CACNA1E: variants seen among roughly 807,000 people sequenced by gnomAD.
CACNA1E encodes the protein calcium voltage-gated channel subunit alpha1 E, also known as voltage-dependent R-type calcium channel subunit alpha-1E.
In CACNA1E, 40 loss-of-function variants were observed where a neutral mutation model predicts 259.2. That is an observed-to-expected ratio of 0.15 (90% CI 0.12 to 0.20). The LOEUF is 0.20. Among genes scored for constraint, CACNA1E ranks in the 10% least tolerant of loss-of-function variants. The pLI, the probability that CACNA1E is intolerant of heterozygous loss-of-function variation, is 1.00. For synonymous variants in CACNA1E, 1,104 were observed against 1,138.5 expected, an observed-to-expected ratio of 0.97 and a Z score of 0.61; for missense variants, 1,874 against 3,040.1, an observed-to-expected ratio of 0.62 and a Z score of 9.02.
At chr1:181,703,987 G>A (rs1466037078) in intron 7 of CACNA1E, among the ~76,000 whole-genome samples, 1 of 152,152 alleles carries the variant, frequency 6.6e-6, no homozygotes, top group African/African-American at 2.4e-5. Flanking sequence ...CTGCTCATAG[G>A]AGGAGCCTTC....
chr1:181,541,125 T>C (rs1264105015), intron 3 of CACNA1E, among the ~76,000 whole-genome samples: 4 of 152,188 alleles, frequency 2.6e-5, no homozygotes, highest in African/African-American at 9.7e-5. Context: ...CTTTTGTTAA[T>C]TTGTCTTTTG....
chr1:181,382,694 A>G (rs1034602551), intron 1 of CACNA1E, among the ~76,000 whole-genome samples: 1 of 152,222 alleles, frequency 6.6e-6, no homozygotes, highest in Admixed American at 6.5e-5. Context: ...GCAAATAGCA[A>G]TAACAATCTT....
chr1:181,490,378 T>TA (rs568341402), intron 1 of CACNA1E, among the ~76,000 whole-genome samples: 3,101 of 139,600 alleles, frequency 0.022, 101 homozygotes, highest in African/African-American at 0.07. Flanking sequence ...TCTTACTTAT[T>TA]AAAAAAAAAA....
intron 1 of CACNA1E, among the ~76,000 whole-genome samples, chr1:181,349,811 C>A (rs951356992): frequency 1.3e-5 from 2 of 151,888 alleles, no homozygotes; most frequent in Non-Finnish European, 2.9e-5. Context: ...GGACAAGCCT[C>A]CAAGAAATGT....
intron 1 of CACNA1E, among the ~76,000 whole-genome samples, chr1:181,376,399 C>T (rs950853225): frequency 1.3e-5 from 2 of 152,234 alleles, no homozygotes; most frequent in Non-Finnish European, 2.9e-5. Flanking sequence ...TCTACGATTG[C>T]ATTGGCCTAT....
intron 1 of CACNA1E, among the ~76,000 whole-genome samples, chr1:181,411,429 G>A (rs1424526082): frequency 1.3e-5 from 2 of 152,092 alleles, no homozygotes; most frequent in African/African-American, 4.8e-5. Context: ...GGAGGAGAGA[G>A]GAGTGACCAG....
At chr1:181,449,500 A>G (rs982714435) in intron 2 of CACNA1E, among the ~76,000 whole-genome samples, 3 of 152,216 alleles carry the variant, frequency 2.0e-5, no homozygotes, top group African/African-American at 7.2e-5. Context: ...CTGACATATC[A>G]GGATTGCAAA....
intron 6 of CACNA1E, among the ~76,000 whole-genome samples, chr1:181,586,100 T>G (rs1652033961): frequency 6.6e-6 from 1 of 151,902 alleles, no homozygotes; most frequent in African/African-American, 2.4e-5. Context: ...AGGTGAAAAG[T>G]GGTTGGATTC....
At chr1:181,523,289 A>G (rs1235017019) in intron 3 of CACNA1E, among the ~76,000 whole-genome samples, 1 of 152,236 alleles carries the variant, frequency 6.6e-6, no homozygotes, top group Non-Finnish European at 1.5e-5. Context: ...CTAAGCAACA[A>G]GAAGTCACCT....
chr1:181,705,829 T>A (rs1421222976), intron 7 of CACNA1E, among the ~76,000 whole-genome samples: 1 of 152,208 alleles, frequency 6.6e-6, no homozygotes, highest in African/African-American at 2.4e-5. Flanking sequence ...GGTCCTAATG[T>A]CAACTCTTAC....
At chr1:181,366,325 G>A (rs1365978459) in intron 1 of CACNA1E, among the ~76,000 whole-genome samples, 1 of 152,144 alleles carries the variant, frequency 6.6e-6, no homozygotes, top group East Asian at 1.9e-4. Flanking sequence ...GCTGGCTCAA[G>A]GCAATGCAAT....
At chr1:181,335,730 G>A (rs561572769) in intron 1 of CACNA1E, among the ~76,000 whole-genome samples, 113 of 152,320 alleles carry the variant, frequency 7.4e-4, no homozygotes, top group African/African-American at 2.7e-3. Flanking sequence ...TGGAAATCAT[G>A]TCTGTAATTT....
At chr1:181,471,310 G>A (rs1662492336) in intron 2 of CACNA1E, among the ~76,000 whole-genome samples, 1 of 152,236 alleles carries the variant, frequency 6.6e-6, no homozygotes, top group African/African-American at 2.4e-5. Context: ...GTAGTAAGAT[G>A]TAGTCTCTGG....
chr1:181,488,257 A>G (rs889876808), intron 1 of CACNA1E, among the ~76,000 whole-genome samples: 1 of 152,246 alleles, frequency 6.6e-6, no homozygotes, highest in Non-Finnish European at 1.5e-5. Context: ...GGTCCCGGTA[A>G]GAATTTCAGG....
chr1:181,775,938 G>C (rs1372711839), intron 37 of CACNA1E, among the ~76,000 whole-genome samples, 163 bp from the exon 38 acceptor site: 1 of 152,210 alleles, frequency 6.6e-6, no homozygotes, highest in South Asian at 2.1e-4. Flanking sequence ...GGATCCAGCT[G>C]CTCCGCCCTC....
At chr1:181,659,896 G>A (rs191560749) in intron 7 of CACNA1E, among the ~76,000 whole-genome samples, 129 of 152,276 alleles carry the variant, frequency 8.5e-4, no homozygotes, top group Middle Eastern at 3.4e-3. Context: ...TGTACACTAC[G>A]TAGCTTCTAT....
chr1:181,514,771 T>C (rs565051985), intron 3 of CACNA1E, among the ~76,000 whole-genome samples: 7 of 152,256 alleles, frequency 4.6e-5, no homozygotes, highest in African/African-American at 1.7e-4. Flanking sequence ...CCTGCTCTTA[T>C]TGATCTTTGC....
chr1:181,447,789 A>G (rs1032213942), intron 2 of CACNA1E, among the ~76,000 whole-genome samples: 1 of 152,162 alleles, frequency 6.6e-6, no homozygotes, highest in Non-Finnish European at 1.5e-5. Flanking sequence ...GCAGAAGTCA[A>G]GTCTTGTGGC....
Position 181,732,970 on chromosome 1 carries a change from C to T in CACNA1E, c.2884C>T (p.Leu962Phe), listed in dbSNP as rs779087765. The T allele has an allele frequency of 1.2e-6, 2 of 1,613,818 alleles. No individual in the cohort carries two copies. Among genetic ancestry groups the T allele is most frequent in the South Asian group, 2.2e-5 (2 of 91,056 alleles). Reference protein sequence around the residue: ...MPTEGEKDHELRGNHGAKEPT... With the variant: ...MPTEGEKDHEFRGNHGAKEPT... ...CACTGAAGGGGAGAAGGACCATGAG[C>T]TCAGGGGCAACCATGGTGCCAAGGA... Residue 962 changes from leucine (L) to phenylalanine (F), a missense_variant, in exon 20 of 48, where the codon CTC becomes TTC. By Grantham distance (22) the Leu-to-Phe change is conservative. Coordinates refer to ENST00000367573, the MANE Select transcript of CACNA1E (RefSeq NM_001205293.3). This position sits in a 1 kb window ranked among gnomAD's most constrained non-coding sequence, Gnocchi z 5.5.
Sources: allele counts gnomAD v4.1 joint callset (sites outside exome capture counted in the v4.1 genomes callset), GRCh38; gene constraint gnomAD v4.1.1; non-coding constraint Gnocchi (gnomAD v3.1); transcripts MANE v1.5; gene names NCBI Gene and HGNC (gene_info 2026-07-23, HGNC 2026-07-21).